LUZP2: variants seen among roughly 807,000 people sequenced by gnomAD.
The protein encoded by LUZP2 is leucine zipper protein 2.
Under a neutral mutation model 51.6 loss-of-function variants are expected in LUZP2, and 52 were observed. That is an observed-to-expected ratio of 1.01 (90% CI 0.81 to 1.27). LUZP2 has a LOEUF of 1.27. LUZP2 is among the 50% of genes most tolerant of loss of function. LUZP2 has a pLI of 0.00. For synonymous variants in LUZP2, 154 were observed against 137.3 expected, an observed-to-expected ratio of 1.12 and a Z score of -0.85; for missense variants, 436 against 395.4, an observed-to-expected ratio of 1.10 and a Z score of -0.87.
At position 25,080,450 on chromosome 11, in the gene LUZP2, C is replaced by T. The variant is rs980412422; in HGVS notation, c.*1792C>T. 1 of 150,160 alleles carries T rather than the reference C, an allele frequency of 6.7e-6. No individual in the cohort carries two copies. Among genetic ancestry groups the T allele is most frequent in the Non-Finnish European group, 1.5e-5 (1 of 67,686 alleles). The allele number at this position is 150,160 out of a possible 1,614,324, so 9.3% of individuals were successfully genotyped here. ...GTAATCCTATTGTTAAATCAAGGAG[C>T]ATTCATATTTTTCATAAAACCGGCT... is the stretch of plus-strand genomic sequence containing the variant. On this transcript the variant is annotated 3_prime_UTR_variant, in exon 12 of 12. Transcript: ENST00000336930.
chr11:25,059,525 A>T (rs1858775362), intron 10 of LUZP2, among the ~76,000 whole-genome samples: 1 of 152,210 alleles, frequency 6.6e-6, no homozygotes, highest in Non-Finnish European at 1.5e-5. Flanking sequence ...ATCTGCACTG[A>T]AGTCAAACAC....
chr11:24,567,694 G>A (rs1276812042), intron 1 of LUZP2, among the ~76,000 whole-genome samples: 4 of 151,290 alleles, frequency 2.6e-5, no homozygotes, highest in African/African-American at 7.3e-5. Context: ...ACTGTTGAAT[G>A]AAAAAAAATA....
At chr11:25,013,906 C>A (rs535242059) in intron 9 of LUZP2, among the ~76,000 whole-genome samples, 2 of 152,172 alleles carry the variant, frequency 1.3e-5, no homozygotes, top group South Asian at 2.1e-4. Flanking sequence ...CCTGTCCCCC[C>A]ACCCCATGAC....
chr11:24,742,559 G>C (rs1194069474), intron 4 of LUZP2, among the ~76,000 whole-genome samples: 2 of 151,274 alleles, frequency 1.3e-5, no homozygotes, highest in African/African-American at 2.4e-5. Flanking sequence ...CTTTTTAACT[G>C]ATTTGTTTGA....
At chr11:24,974,608 GTTTC>G (rs140651701) in intron 7 of LUZP2, among the ~76,000 whole-genome samples, 1,843 of 152,052 alleles carry the variant, frequency 0.012, 33 homozygotes, top group African/African-American at 0.038. Flanking sequence ...ATAAATTCTT[GTTTC>G]TTTCAGCCTC....
rs117954606 is a variant in LUZP2 at position 24,973,738 on chromosome 11, G to T, written c.523-2853G>T. ...TTGTACAATTTCTATGTAGTTTTGTGGTTTTGAGTGAATTTCTTAGTCTTG... is the reference window on the plus strand; with the variant it reads ...TTGTACAATTTCTATGTAGTTTTGTTGTTTTGAGTGAATTTCTTAGTCTTG... On this transcript the variant is annotated intron_variant, in intron 7 of 11. Transcript: ENST00000336930. Among the ~76,000 whole-genome samples the T allele has an allele frequency of 6.8e-3, 1,031 of 152,004 alleles. 21 individuals carry two copies. In the East Asian group the frequency reaches 0.074, roughly 11 times the overall value.
rs571557224 is a variant in LUZP2, at chr11:24,954,896, A to G, written c.523-21695A>G. 2.2e-4 allele frequency among the ~76,000 whole-genome samples: 33 copies of G among 152,188 alleles called. 1 individual carries two copies. Among genetic ancestry groups the G allele is most frequent in the African/African-American group, 4.3e-4 (18 of 41,548 alleles). Reference sequence around the variant, plus strand: ...TGTGGGAATTAGCATTTCAACTAGGATCTGAGGAATGAGTAGGAACGGACC... The same window carrying G: ...TGTGGGAATTAGCATTTCAACTAGGGTCTGAGGAATGAGTAGGAACGGACC... On this transcript the variant is annotated intron_variant, in intron 7 of 11. Transcript: ENST00000336930.
intron 1 of LUZP2, among the ~76,000 whole-genome samples, chr11:24,539,850 T>C (rs912579388): frequency 1.3e-5 from 2 of 152,076 alleles, no homozygotes; most frequent in African/African-American, 2.4e-5. Flanking sequence ...TTCATATAAA[T>C]ATGTTTAGAG....
chr11:25,079,814 C>T lies in LUZP2; in HGVS notation c.*1156C>T, dbSNP rs985816063. On this transcript the variant is annotated 3_prime_UTR_variant, in exon 12 of 12. Transcript: ENST00000336930. ...CTTTTGTTTAGAACCTTTTTGCAAC[C>T]GTAGAAAGCATATTAAACCATTGGT... The T allele has an allele frequency of 1.3e-5, 2 of 152,056 alleles. No homozygotes were observed. The highest frequency in any genetic ancestry group is 2.4e-5 in the African/African-American group (1 of 41,486). The allele number at this position is 152,056 out of a possible 1,614,324, so 9.4% of individuals were successfully genotyped here. A position where few individuals can be genotyped will look rare whatever the true frequency, so the allele number is the denominator to read the frequency against.
At chr11:24,825,671 C>T (rs1347627388) in intron 5 of LUZP2, among the ~76,000 whole-genome samples, 1 of 152,012 alleles carries the variant, frequency 6.6e-6, no homozygotes, top group Non-Finnish European at 1.5e-5. Flanking sequence ...TGGGTGAGGA[C>T]TTTTTCCATG....
At chr11:24,926,589 G>A (rs559349213) in intron 7 of LUZP2, among the ~76,000 whole-genome samples, 1 of 146,980 alleles carries the variant, frequency 6.8e-6, no homozygotes, top group Non-Finnish European at 1.5e-5. Flanking sequence ...ATATATATGT[G>A]TGTATATATA....
chr11:24,937,900 CA>C (rs1160488593), intron 7 of LUZP2, among the ~76,000 whole-genome samples: 2,028 of 106,778 alleles, frequency 0.019, 45 homozygotes, highest in African/African-American at 0.058. Flanking sequence ...GATTCCCTCT[CA>C]AAAAAAAAAA....
At chr11:24,711,033 C>T (rs140840471) in intron 1 of LUZP2, among the ~76,000 whole-genome samples, 3 of 151,916 alleles carry the variant, frequency 2.0e-5, no homozygotes, top group East Asian at 3.9e-4. Flanking sequence ...TATGCTTAAT[C>T]AGCTTTAATG....
chr11:25,062,607 A>AAC (rs1336111063), intron 10 of LUZP2, among the ~76,000 whole-genome samples: 1 of 145,972 alleles, frequency 6.9e-6, no homozygotes, highest in Non-Finnish European at 1.5e-5. Context: ...AAAAAAAAAA[A>AAC]AAAAAAGAAA....
At chr11:24,622,206 G>A (rs928201066) in intron 1 of LUZP2, among the ~76,000 whole-genome samples, 3 of 151,012 alleles carry the variant, frequency 2.0e-5, no homozygotes, top group Non-Finnish European at 2.9e-5. Flanking sequence ...GTATACATGT[G>A]CCATGTTGGT....
intron 1 of LUZP2, among the ~76,000 whole-genome samples, chr11:24,527,106 C>T (rs554840771): frequency 6.6e-6 from 1 of 151,366 alleles, no homozygotes; most frequent in Non-Finnish European, 1.5e-5. Flanking sequence ...TTGGGATTCT[C>T]TTAGCCAGGT....
In LUZP2 at chr11:24,545,555, C is replaced by CTTTTTTTTTTTTTTTT. The variant is rs3992984; in HGVS notation, c.62+48252_62+48267dup. 3.3e-5 allele frequency among the ~76,000 whole-genome samples: 4 copies of CTTTTTTTTTTTTTTTT among 120,798 alleles called. 1 individual carries two copies. Among genetic ancestry groups the CTTTTTTTTTTTTTTTT allele is most frequent in the African/African-American group, 6.2e-5 (2 of 32,276 alleles). 79.2% of individuals were successfully genotyped at this position (120,798 alleles called of 152,430 possible). On this transcript the variant is annotated intron_variant, in intron 1 of 11. Transcript: ENST00000336930. ...TGGGGAGTCCTTTCATTGTTGCTTGCTTTTTTTTTTTTTTTTTGACAGCTT... is the reference window on the plus strand; with the variant it reads ...TGGGGAGTCCTTTCATTGTTGCTTGCTTTTTTTTTTTTTTTTTTTTTTTTTTTTTTTTTGACAGCTT...
chr11:24,612,018 G>GA (rs1022118215), intron 1 of LUZP2, among the ~76,000 whole-genome samples: 8 of 152,074 alleles, frequency 5.3e-5, no homozygotes, highest in African/African-American at 1.7e-4. Flanking sequence ...ATCATGTACT[G>GA]AAAAAATGTG....
chr11:25,033,751 A>C (rs2133995300), intron 9 of LUZP2, among the ~76,000 whole-genome samples: 1 of 152,226 alleles, frequency 6.6e-6, no homozygotes. Context: ...CAAAAGACAT[A>C]ACTTTATTTC....
Sources: gnomAD v4.1 joint callset for allele counts (sites outside exome capture counted in the v4.1 genomes callset) on GRCh38, gnomAD v4.1.1 for gene constraint, MANE v1.5 for transcripts, NCBI Gene and HGNC (gene_info 2026-07-23, HGNC 2026-07-21) for gene names.